The following CHST12 variants were observed in gnomAD, a reference collection of about 807,000 sequenced individuals.
CHST12 encodes carbohydrate (chondroitin 4) sulfotransferase 12.
A neutral mutation model predicts 27.9 loss-of-function variants in CHST12; 23 were observed. The ratio of observed to expected loss-of-function variants is 0.82; its 90% confidence interval spans 0.59 to 1.17. The LOEUF is 1.17. Ranked by LOEUF, CHST12 falls within the 50% of genes most tolerant of loss-of-function variation. CHST12 has a pLI of 0.00. For missense variants in CHST12, 682 were observed against 603.0 expected (o/e 1.13, Z -1.37); for synonymous variants, 322 against 273.0 (o/e 1.18, Z -1.77).
intron 1 of CHST12, among the ~76,000 whole-genome samples, chr7:2,422,812 G>T (rs1782012284): frequency 6.6e-6 from 1 of 152,076 alleles, no homozygotes; most frequent in South Asian, 2.1e-4. Flanking sequence ...GGGATTACAG[G>T]AGAGAGCCAC....
At chr7:2,430,172 T>G (rs1782237734) in intron 1 of CHST12, among the ~76,000 whole-genome samples, 1 of 152,202 alleles carries the variant, frequency 6.6e-6, no homozygotes, top group South Asian at 2.1e-4. Flanking sequence ...TTTAACTTTT[T>G]CCTTTGCTAT....
At chr7:2,429,914 C>G (rs1782230648) in intron 1 of CHST12, among the ~76,000 whole-genome samples, 1 of 152,088 alleles carries the variant, frequency 6.6e-6, no homozygotes, top group South Asian at 2.1e-4. Context: ...TCCAGAGTAG[C>G]TAGGACTACA....
chr7:2,433,541 C>T lies in CHST12; in HGVS notation c.902C>T (p.Ala301Val), dbSNP rs1036068705. 3 of 1,613,246 alleles carry T rather than the reference C, an allele frequency of 1.9e-6. No individual in the cohort carries two copies. Among genetic ancestry groups the T allele is most frequent in the Admixed American group, 1.7e-5 (1 of 60,032 alleles). Residue 301 changes from alanine (A) to valine (V), a missense_variant, in exon 2 of 2, where the codon GCC (alanine) becomes GTC (valine). Transcript: ENST00000618655. The surrounding 1 kb of genome is among the most constrained non-coding windows in gnomAD (Gnocchi z 6.1). Reference protein sequence around the residue: ...AFRAGLKVSFANFIQYLLDPH... With the variant: ...AFRAGLKVSFVNFIQYLLDPH... ...CGCGCTGGCCTCAAGGTGTCCTTCG[C>T]CAACTTCATCCAGTACCTGCTGGAC...
intron 1 of CHST12, among the ~76,000 whole-genome samples, chr7:2,414,333 G>C (rs1263025617): frequency 6.6e-6 from 1 of 151,468 alleles, no homozygotes; most frequent in African/African-American, 2.4e-5. Flanking sequence ...ACCCAGGCTG[G>C]AGCGCAATGG....
In CHST12 at chr7:2,436,692, G is replaced by A. The variant is rs541212427; in HGVS notation, c.*2808G>A. On this transcript the variant is annotated 3_prime_UTR_variant, in exon 2 of 2. Transcript: ENST00000618655. ...GCGTTTGTTTATAGGATGTTCAGAC[G>A]AATGTCAGAACCCACTGGGCGGTTC... is the stretch of plus-strand genomic sequence containing the variant. The A allele has an allele frequency of 4.6e-5, 7 of 152,338 alleles. No individual in the cohort carries two copies. The highest frequency in any genetic ancestry group is 1.7e-4 in the African/African-American group (7 of 41,570). 9.4% of individuals were successfully genotyped at this position (152,338 alleles called of 1,614,324 possible). A position where few individuals can be genotyped will look rare whatever the true frequency, so the allele number is the denominator to read the frequency against.
chr7:2,416,291 A>G (rs1420223855), intron 1 of CHST12, among the ~76,000 whole-genome samples: 2 of 152,176 alleles, frequency 1.3e-5, no homozygotes, highest in Admixed American at 1.3e-4. Context: ...TTTCCACCAC[A>G]TCTGCTGTTA....
In CHST12 at chr7:2,432,571, C is replaced by T. The variant is rs1782301001; in HGVS notation, c.-69C>T. Reference sequence around the variant, plus strand: ...TGTCATTGCATCTGCAGGTTCCCAGCAGGATGCCCCGGCTCTGCAGGAAGC... The same window carrying T: ...TGTCATTGCATCTGCAGGTTCCCAGTAGGATGCCCCGGCTCTGCAGGAAGC... On this transcript the variant is annotated 5_prime_UTR_variant, in exon 2 of 2. Transcript: ENST00000618655. 6.6e-7 allele frequency: 1 copy of T among 1,511,812 alleles called. No individual in the cohort carries two copies. The highest frequency in any genetic ancestry group is 2.1e-5 in the Admixed American group (1 of 48,424). 93.6% of individuals were successfully genotyped at this position (1,511,812 alleles called of 1,614,324 possible).
At position 2,443,092 on chromosome 7, in the gene CHST12, TTTTG is replaced by T. The variant is rs1247515980; in HGVS notation, c.*9212_*9215del. On this transcript the variant is annotated 3_prime_UTR_variant, in exon 2 of 2. Transcript: ENST00000618655. ...GCCCGCCACCATGGCCAGCTAATTT[TTTTG>T]TTTATTTGTTTATTTATTATTTTTT... 1 of 152,090 alleles carries T rather than the reference TTTTG, an allele frequency of 6.6e-6. No individual in the cohort carries two copies. Among genetic ancestry groups the T allele is most frequent in the African/African-American group, 2.4e-5 (1 of 41,392 alleles). 9.4% of individuals were successfully genotyped at this position (152,090 alleles called of 1,614,324 possible).
chr7:2,413,784 A>G (rs1438030104), intron 1 of CHST12, among the ~76,000 whole-genome samples: 3 of 135,474 alleles, frequency 2.2e-5, no homozygotes, highest in Non-Finnish European at 3.0e-5. Flanking sequence ...GCTGGAGTGC[A>G]GTGGCGTGAT....
chr7:2,431,169 C>G (rs891448912), intron 1 of CHST12, among the ~76,000 whole-genome samples: 1 of 152,110 alleles, frequency 6.6e-6, no homozygotes, highest in African/African-American at 2.4e-5. Flanking sequence ...TTTTGAGGCT[C>G]TGTTGTTTGG....
At chr7:2,431,241 G>A (rs1156968441) in intron 1 of CHST12, among the ~76,000 whole-genome samples, 3 of 152,194 alleles carry the variant, frequency 2.0e-5, no homozygotes, top group African/African-American at 7.2e-5. Context: ...ATTATGTAAT[G>A]TCCTTTTGTC....
intron 1 of CHST12, among the ~76,000 whole-genome samples, chr7:2,408,096 G>A (rs550423172): frequency 1.3e-5 from 2 of 152,138 alleles, no homozygotes; most frequent in South Asian, 2.1e-4. Context: ...GAGGCCAGGC[G>A]CTGTGGCTCA....
At chr7:2,423,105 C>T (rs1430259995) in intron 1 of CHST12, among the ~76,000 whole-genome samples, 1 of 151,348 alleles carries the variant, frequency 6.6e-6, no homozygotes, top group East Asian at 2.0e-4. Flanking sequence ...GAGAAAGCCC[C>T]TCTCTACTAA....
In CHST12 at chr7:2,441,032, A is replaced by T. The variant is rs1442528228; in HGVS notation, c.*7148A>T. ...GCTGTGGGGCAATGTTCTGCTTATA[A>T]TGTTTCAAGAGGTTCAAAGCGTGCA... is the stretch of plus-strand genomic sequence containing the variant. On this transcript the variant is annotated 3_prime_UTR_variant, in exon 2 of 2. Coordinates refer to ENST00000618655, the MANE Select transcript of CHST12 (RefSeq NM_018641.5). 2 of 152,150 alleles carry T rather than the reference A, an allele frequency of 1.3e-5. No homozygotes were observed. The highest frequency in any genetic ancestry group is 4.8e-5 in the African/African-American group (2 of 41,420). The allele number at this position is 152,150 out of a possible 1,614,324, so 9.4% of individuals were successfully genotyped here. A position where few individuals can be genotyped will look rare whatever the true frequency, so the allele number is the denominator to read the frequency against.
intron 1 of CHST12, among the ~76,000 whole-genome samples, chr7:2,404,832 C>G (rs1021120941): frequency 2.0e-5 from 3 of 152,234 alleles, no homozygotes; most frequent in Non-Finnish European, 2.9e-5. Context: ...TCTGCTGTCA[C>G]TCAGCTGACT....
chr7:2,432,870 C>T lies in CHST12; in HGVS notation c.231C>T (p.Gly77=), dbSNP rs374540711. ...TTCTGGACAAGTTTCTCAGTGCTGG[C>T]GTGAAGCAGAGCGACCTTCCCAGAA... is the stretch of plus-strand genomic sequence containing the variant. ...DEFLDKFLSA[G]VKQSDLPRKE... is the part of the protein sequence containing the mutation. Residue 77 remains glycine, a synonymous_variant, in exon 2 of 2, where the codon GGC becomes GGT. Coordinates refer to ENST00000618655, the MANE Select transcript of CHST12 (RefSeq NM_018641.5). 1 of 1,613,692 alleles carries T rather than the reference C, an allele frequency of 6.2e-7. No individual in the cohort carries two copies. The highest frequency in any genetic ancestry group is 8.5e-7 in the Non-Finnish European group (1 of 1,179,900).
At position 2,433,189 on chromosome 7, in the gene CHST12, G is replaced by C. The variant is rs1207794867; in HGVS notation, c.550G>C (p.Val184Leu). ...ACTNWKRVMI[V>L]LSGSLLHRGA... The stretch of plus-strand genomic sequence containing the variant: ...CACCAACTGGAAGCGCGTGATGATC[G>C]TGCTGAGCGGAAGCCTGCTGCACCG... The change falls in exon 2 of 2, where the codon GTG becomes CTG. Residue 184 changes from valine to leucine, a missense_variant. Physicochemically the swap from Val to Leu is conservative, Grantham distance 32. Transcript: ENST00000618655. The surrounding 1 kb of genome is among the most constrained non-coding windows in gnomAD (Gnocchi z 6.1). The C allele has an allele frequency of 1.2e-6, 2 of 1,612,964 alleles. No homozygotes were observed. Among genetic ancestry groups the C allele is most frequent in the Non-Finnish European group, 1.7e-6 (2 of 1,179,624 alleles).
Position 2,420,887 on chromosome 7 carries a change from C to T in CHST12, c.-77-11676C>T, listed in dbSNP as rs141823413. On this transcript the variant is annotated intron_variant, in intron 1 of 1. Coordinates refer to ENST00000618655, the MANE Select transcript of CHST12 (RefSeq NM_018641.5). ...TTTATTTTATTATTATTTTTTAAGA[C>T]GGAGTCTCACTGTGTCACCAAGTCT... is the stretch of plus-strand genomic sequence containing the variant. Among the ~76,000 whole-genome samples the T allele has an allele frequency of 7.4e-3, 1,125 of 152,274 alleles. 22 individuals are homozygous for T. Among genetic ancestry groups the T allele is most frequent in the African/African-American group, 0.022 (899 of 41,548 alleles).
rs772573270 is a variant in CHST12 at position 2,432,799 on chromosome 7, CCGGACA to C, written c.161_166del (p.Pro54_Asp55del). 6.2e-7 allele frequency: 1 copy of C among 1,613,752 alleles called. No individual in the cohort carries two copies. Among genetic ancestry groups the C allele is most frequent in the South Asian group, 1.1e-5 (1 of 91,070 alleles). ...GGGGCCGCCGCTGCCCACGCCCGGG[CCGGACA>C]GGGACAGGGAGCTCACGGCCGACTC... On this transcript the variant is annotated inframe_deletion, in exon 2 of 2. Coordinates refer to ENST00000618655, the MANE Select transcript of CHST12 (RefSeq NM_018641.5).
Sources: gnomAD v4.1 joint callset for allele counts (sites outside exome capture counted in the v4.1 genomes callset) on GRCh38, gnomAD v4.1.1 for gene constraint, Gnocchi (gnomAD v3.1) non-coding constraint, MANE v1.5 for transcripts, NCBI Gene and HGNC (gene_info 2026-07-23, HGNC 2026-07-21) for gene names.